The following KIR2DL4 variants were observed in gnomAD, a reference collection of about 807,000 sequenced individuals.
KIR2DL4 encodes killer cell immunoglobulin-like receptor 2DL4.
KIR2DL4 carries 41 observed loss-of-function variants against 31.0 expected under a neutral mutation model. The observed-to-expected ratio is 1.32, with a 90% CI of 1.03 to 1.72. The LOEUF (loss-of-function observed/expected upper bound fraction) is 1.72. Ranked by LOEUF, KIR2DL4 falls within the 40% of genes most tolerant of loss-of-function variation. The pLI is 0.00. For missense variants in KIR2DL4, 438 were observed against 353.7 expected, an observed-to-expected ratio of 1.24 and a Z score of -1.91; for synonymous variants, 164 against 133.6, an observed-to-expected ratio of 1.23 and a Z score of -1.57.
At position 54,806,907 on chromosome 19, in the gene KIR2DL4, TG is replaced by T. The variant is rs1423520039; in HGVS notation, c.655+666del. Among the ~76,000 whole-genome samples, 2 of 150,592 alleles carry T rather than the reference TG, an allele frequency of 1.3e-5. 1 individual carries two copies. ...CCAGGCGCCTATAATCCCAGCAACT[TG>T]GGAGGCTGAGGCGGGAGAGTGGCTT... On this transcript the variant is annotated intron_variant, in intron 4 of 7. Coordinates refer to ENST00000359085, the Ensembl canonical transcript of KIR2DL4.
intron 2 of KIR2DL4, 22 bp downstream of exon 2, chr19:54,803,948 G>T (rs764638684): frequency 6.2e-7 from 1 of 1,605,528 alleles, no homozygotes; most frequent in Non-Finnish European, 8.5e-7. Flanking sequence ...CCCAAATGAT[G>T]GGTTGCCATC....
At chr19:54,814,020 A>C in exon 8 of KIR2DL4, 2 of 1,612,342 alleles carry the variant, frequency 1.2e-6, no homozygotes, top group Non-Finnish European at 1.7e-6. Flanking sequence ...CATGAGCACC[A>C]CAGTCAGGCC....
rs1360336704 is a variant in KIR2DL4 at position 54,809,010 on chromosome 19, C to T, written c.706+127C>T. 3 of 806,756 alleles carry T rather than the reference C, an allele frequency of 3.7e-6. 1 individual carries two copies. Among genetic ancestry groups the T allele is most frequent in the South Asian group, 2.8e-5 (2 of 72,484 alleles). 50.0% of individuals were successfully genotyped at this position (806,756 alleles called of 1,614,324 possible). A position where few individuals can be genotyped will look rare whatever the true frequency, so the allele number is the denominator to read the frequency against. On this transcript the variant is annotated intron_variant, in intron 5 of 7. Coordinates refer to ENST00000359085, the Ensembl canonical transcript of KIR2DL4. ...GCCTGTCTTCCATTGTCTCTGAACC[C>T]CAGACACTCCAACAGCGAAAGGGAT...
chr19:54,807,504 C>T (rs748939200), intron 4 of KIR2DL4, among the ~76,000 whole-genome samples: 10 of 151,106 alleles, frequency 6.6e-5, no homozygotes, highest in South Asian at 2.1e-4. Context: ...ATGGCACCAC[C>T]TGGGCTCACT....
chr19:54,810,330 G>A (rs2060786289), intron 5 of KIR2DL4, among the ~76,000 whole-genome samples: 1 of 150,622 alleles, frequency 6.6e-6, no homozygotes, highest in Non-Finnish European at 1.5e-5. Flanking sequence ...GTTTTACCAT[G>A]TTGCCCAGGC....
intron 5 of KIR2DL4, among the ~76,000 whole-genome samples, chr19:54,812,863 A>AC (rs11375633): frequency 0.85 from 117,354 of 138,184 alleles, 50,493 homozygotes; most frequent in East Asian, 0.94. Context: ...AATAGGCACA[A>AC]CTCCCACACT....
intron 5 of KIR2DL4, among the ~76,000 whole-genome samples, chr19:54,811,541 A>G (rs1391689665): frequency 6.6e-6 from 1 of 151,072 alleles, no homozygotes; most frequent in Non-Finnish European, 1.5e-5. Context: ...AGGCGAAAAC[A>G]TCTTCCTTAT....
At chr19:54,805,407 G>A (rs1306956127) in intron 3 of KIR2DL4, among the ~76,000 whole-genome samples, 1 of 151,156 alleles carries the variant, frequency 6.6e-6, no homozygotes, top group Non-Finnish European at 1.5e-5. Context: ...CCATATGAGT[G>A]GAGAAGGAAG....
chr19:54,807,975 A>G (rs1044902280), intron 4 of KIR2DL4, among the ~76,000 whole-genome samples: 1 of 151,252 alleles, frequency 6.6e-6, no homozygotes, highest in Admixed American at 6.6e-5. Context: ...TGCAATGTAT[A>G]TATGTTCATT....
chr19:54,804,598 C>A (rs942956885), intron 2 of KIR2DL4, among the ~76,000 whole-genome samples, 195 bp from the exon 3 acceptor site: 2 of 151,230 alleles, frequency 1.3e-5, no homozygotes, highest in Non-Finnish European at 1.5e-5. Flanking sequence ...TTACTCAGCA[C>A]CTGCTCAGTT....
At position 54,809,376 on chromosome 19, in the gene KIR2DL4, C is replaced by T. The variant is rs1280540287; in HGVS notation, c.706+493C>T. 5.3e-5 allele frequency among the ~76,000 whole-genome samples: 8 copies of T among 150,878 alleles called. 1 individual carries two copies. The highest frequency in any genetic ancestry group is 2.0e-4 in the African/African-American group (8 of 40,634). On this transcript the variant is annotated intron_variant, in intron 5 of 7. Coordinates refer to ENST00000359085, the Ensembl canonical transcript of KIR2DL4. ...CACATGACACTTCCACTTACTCGTT[C>T]AGCCACTGCCCCATGCTCAGACTGT...
At chr19:54,808,300 T>C (rs2060647713) in intron 4 of KIR2DL4, among the ~76,000 whole-genome samples, 2 of 151,174 alleles carry the variant, frequency 1.3e-5, no homozygotes, top group South Asian at 2.1e-4. Flanking sequence ...TCCTGGAGCA[T>C]TTCTCCAGTG....
exon 8 of KIR2DL4, chr19:54,814,262 C>T: frequency 1.2e-6 from 1 of 869,024 alleles, no homozygotes; most frequent in Non-Finnish European, 1.8e-6. Flanking sequence ...TCACTTGACC[C>T]CTGCCCACCT....
intron 6 of KIR2DL4, 67 bp from the exon 6 acceptor site, chr19:54,813,623 A>T: frequency 1.3e-6 from 2 of 1,503,830 alleles, no homozygotes; most frequent in Non-Finnish European, 1.8e-6. Flanking sequence ...GTGTGTTGGT[A>T]TCTGTTCATG....
exon 1 of KIR2DL4, chr19:54,803,691 G>C: frequency 6.2e-7 from 1 of 1,611,932 alleles, no homozygotes; most frequent in Non-Finnish European, 8.5e-7. Context: ...GGCATGTCTT[G>C]GTGAGTCCTG....
At chr19:54,808,020 G>A (rs1391282278) in intron 4 of KIR2DL4, among the ~76,000 whole-genome samples, 3 of 151,208 alleles carry the variant, frequency 2.0e-5, no homozygotes, top group Non-Finnish European at 4.4e-5. Context: ...GTCTGTTCAG[G>A]TCTTTTACTA....
At chr19:54,805,651 T>C (rs1004163265) in intron 3 of KIR2DL4, among the ~76,000 whole-genome samples, 6 of 151,158 alleles carry the variant, frequency 4.0e-5, no homozygotes, top group African/African-American at 1.2e-4. Context: ...CCTGCCGCCA[T>C]GTTTGTGATA....
At chr19:54,804,851 A>C (rs538279134) in exon 3 of KIR2DL4, 1 of 1,612,312 alleles carries the variant, frequency 6.2e-7, no homozygotes, top group African/African-American at 1.3e-5. Context: ...CTCAAGGAGG[A>C]CACGTGACTC....
At chr19:54,810,782 A>G (rs2060821447) in intron 5 of KIR2DL4, among the ~76,000 whole-genome samples, 1 of 151,232 alleles carries the variant, frequency 6.6e-6, no homozygotes, top group African/African-American at 2.4e-5. Context: ...GAATCCCTAC[A>G]TGATGAATAG....
Sources: allele counts gnomAD v4.1 joint callset (sites outside exome capture counted in the v4.1 genomes callset), GRCh38; gene constraint gnomAD v4.1.1; transcripts MANE v1.5; gene names NCBI Gene and HGNC (gene_info 2026-07-23, HGNC 2026-07-21).